Variants in RPS6KA2 observed in about 807,000 individuals in gnomAD.
RPS6KA2 encodes ribosomal protein S6 kinase A2, also known as ribosomal protein S6 kinase alpha-2.
A neutral mutation model predicts 91.8 loss-of-function variants in RPS6KA2; 42 were observed. The observed-to-expected ratio is 0.46, with a 90% CI of 0.36 to 0.59. The LOEUF (loss-of-function observed/expected upper bound fraction) is 0.59, where lower values mean the gene tolerates loss of function less well. RPS6KA2 is among the 20% of genes least tolerant of loss of function. RPS6KA2 has a pLI of 0.00. For synonymous variants in RPS6KA2, 414 were observed against 393.6 expected (o/e 1.05, Z -0.61); for missense variants, 798 against 978.5 (o/e 0.82, Z 2.46).
chr6:166,713,164 C>A (rs112613543), intron 2 of RPS6KA2, among the ~76,000 whole-genome samples: 5,928 of 152,254 alleles, frequency 0.039, 115 homozygotes, highest in Middle Eastern at 0.068. Context: ...TCTTCCCCAT[C>A]CCCCGGAACA....
intron 10 of RPS6KA2, among the ~76,000 whole-genome samples, chr6:166,484,708 A>G (rs564994956): frequency 6.6e-6 from 1 of 152,368 alleles, no homozygotes; most frequent in African/African-American, 2.4e-5. Flanking sequence ...TGACAGCAGT[A>G]GTTCAGCTGC....
intron 1 of RPS6KA2, among the ~76,000 whole-genome samples, 190 bp from the exon 2 acceptor site, chr6:166,538,974 C>T (rs1783570768): frequency 6.6e-6 from 1 of 151,732 alleles, no homozygotes; most frequent in Admixed American, 6.6e-5. Context: ...CTCACTCTGT[C>T]TCCCAGGCTG....
intron 16 of RPS6KA2, among the ~76,000 whole-genome samples, chr6:166,427,627 C>T (rs956457884): frequency 6.6e-6 from 1 of 152,140 alleles, no homozygotes; most frequent in African/African-American, 2.4e-5. Context: ...AATCAATGTA[C>T]AAAAATCACA....
chr6:166,460,061 C>T (rs1780224714), intron 11 of RPS6KA2, among the ~76,000 whole-genome samples: 1 of 152,238 alleles, frequency 6.6e-6, no homozygotes, highest in Non-Finnish European at 1.5e-5. Flanking sequence ...CCAGGGTGCT[C>T]TCTTGCCAGT....
chr6:166,551,124 C>A (rs765737070), intron 1 of RPS6KA2, among the ~76,000 whole-genome samples: 2 of 151,436 alleles, frequency 1.3e-5, no homozygotes, highest in Non-Finnish European at 2.9e-5. Context: ...ATGAAGGGTT[C>A]AATTTTTTTT....
chr6:166,416,928 G>A (rs935289712), intron 19 of RPS6KA2, among the ~76,000 whole-genome samples: 9 of 152,088 alleles, frequency 5.9e-5, no homozygotes, highest in East Asian at 1.9e-4. Flanking sequence ...TCACCTCCAC[G>A]CTCACTGCAT....
Position 166,451,244 on chromosome 6 carries a change from C to T in RPS6KA2, c.1076-11G>A. On this transcript the variant is annotated splice_polypyrimidine_tract_variant and intron_variant, in intron 12 of 20. Coordinates refer to ENST00000265678, the MANE Select transcript of RPS6KA2 (RefSeq NM_021135.6). ...GGACGCCAGGAGAGTCTGTAGGTGACAGGGGCAGAGTTCAGATGCCACGAA... is the reference window on the plus strand; with the variant it reads ...GGACGCCAGGAGAGTCTGTAGGTGATAGGGGCAGAGTTCAGATGCCACGAA... The T allele has an allele frequency of 3.1e-6, 5 of 1,613,260 alleles. No individual in the cohort carries two copies. The highest frequency in any genetic ancestry group is 4.2e-6 in the Non-Finnish European group (5 of 1,179,704).
intron 2 of RPS6KA2, chr6:166,702,850 G>A: frequency 1.0e-6 from 1 of 963,098 alleles, no homozygotes; most frequent in Non-Finnish European, 1.6e-6. Context: ...TGTGAAGAAT[G>A]GTTGTTTAAA....
intron 1 of RPS6KA2, among the ~76,000 whole-genome samples, chr6:166,569,474 G>A (rs1784614766): frequency 6.6e-6 from 1 of 151,826 alleles, no homozygotes; most frequent in South Asian, 2.1e-4. Flanking sequence ...TTTGGGAAAG[G>A]CCCTGGCCTG....
chr6:166,803,734 G>A (rs543304590), intron 2 of RPS6KA2, among the ~76,000 whole-genome samples: 5 of 152,240 alleles, frequency 3.3e-5, no homozygotes, highest in East Asian at 1.9e-4. Context: ...TCACACAGTC[G>A]CCATGGAGCG....
intron 6 of RPS6KA2, among the ~76,000 whole-genome samples, chr6:166,501,642 G>A (rs10946174): frequency 0.29 from 44,536 of 152,126 alleles, 6,959 homozygotes; most frequent in East Asian, 0.61. Flanking sequence ...GGCAGGGTCC[G>A]TAAAGGGCTG....
chr6:166,795,395 A>C (rs1341164802), intron 2 of RPS6KA2, among the ~76,000 whole-genome samples: 1 of 152,234 alleles, frequency 6.6e-6, no homozygotes, highest in Non-Finnish European at 1.5e-5. Flanking sequence ...TCACTCAAAA[A>C]ACTGACAAGA....
chr6:166,450,020 G>GA (rs1241962497), intron 13 of RPS6KA2, among the ~76,000 whole-genome samples: 22 of 84,066 alleles, frequency 2.6e-4, no homozygotes, highest in Admixed American at 6.8e-4. Flanking sequence ...TCACCTAAGG[G>GA]ACCACCACAG....
chr6:166,661,657 A>C (rs1019684393), intron 2 of RPS6KA2, among the ~76,000 whole-genome samples: 1 of 152,060 alleles, frequency 6.6e-6, no homozygotes, highest in Non-Finnish European at 1.5e-5. Context: ...TTGCCTTATC[A>C]TTTTTAAATT....
intron 1 of RPS6KA2, among the ~76,000 whole-genome samples, chr6:166,553,664 A>G (rs375919654): frequency 1.3e-5 from 2 of 152,014 alleles, no homozygotes; most frequent in African/African-American, 2.4e-5. Flanking sequence ...CCCTGACTCA[A>G]TGCTCACATA....
intron 6 of RPS6KA2, among the ~76,000 whole-genome samples, chr6:166,501,567 C>T (rs1219812266): frequency 2.0e-5 from 3 of 152,188 alleles, no homozygotes; most frequent in Non-Finnish European, 2.9e-5. Flanking sequence ...ATGTGCCGGA[C>T]GTGACAGTTG....
chr6:166,777,851 AGAG>A (rs1220553883), intron 2 of RPS6KA2, among the ~76,000 whole-genome samples: 1 of 152,192 alleles, frequency 6.6e-6, no homozygotes, highest in African/African-American at 2.4e-5. Flanking sequence ...GAGAGAGAAA[AGAG>A]AAGAAAAAAC....
chr6:166,517,455 GTTTTTTTTTTT>G (rs71032809), intron 3 of RPS6KA2, among the ~76,000 whole-genome samples: 27 of 104,938 alleles, frequency 2.6e-4, no homozygotes, highest in Non-Finnish European at 4.0e-4. Flanking sequence ...CTTTTGTTTT[GTTTTTTTTTTT>G]TTTTTTTTTT....
intron 2 of RPS6KA2, among the ~76,000 whole-genome samples, chr6:166,681,696 C>CTCCA (rs1562380149): frequency 1.3e-5 from 1 of 74,498 alleles, no homozygotes; most frequent in African/African-American, 6.6e-5. Context: ...GCCCGCCCCC[C>CTCCA]CCCCCGCCCC....
Sources: allele counts gnomAD v4.1 joint callset (sites outside exome capture counted in the v4.1 genomes callset), GRCh38; gene constraint gnomAD v4.1.1; transcripts MANE v1.5; gene names NCBI Gene and HGNC (gene_info 2026-07-23, HGNC 2026-07-21).